Variants in CLCN5 observed in about 807,000 individuals in gnomAD.
CLCN5 encodes Cl-/H+ antiporter 5.
CLCN5 carries 17 observed loss-of-function variants against 54.0 expected under a neutral mutation model. That is an observed-to-expected ratio of 0.31 (90% confidence interval 0.22 to 0.47). CLCN5 has a LOEUF of 0.47. CLCN5 is among the 20% of genes least tolerant of loss of function. The pLI, the probability that CLCN5 is intolerant of heterozygous loss-of-function variation, is 1.00. For missense variants in CLCN5, 448 were observed against 646.7 expected (o/e 0.69, Z 3.33); for synonymous variants, 222 against 233.0 (o/e 0.95, Z 0.43).
chrX:50,055,018 A>G (rs1456966467), intron 4 of CLCN5, among the ~76,000 whole-genome samples: 1 of 111,580 alleles, frequency 9.0e-6, no homozygotes, highest in African/African-American at 3.3e-5. Context: ...CCGTATGAGT[A>G]TAGCTCTGTG....
chrX:49,986,570 A>G (rs953758062), intron 3 of CLCN5, among the ~76,000 whole-genome samples: 1 of 111,884 alleles, frequency 8.9e-6, no homozygotes, highest in African/African-American at 3.2e-5. Context: ...GGGTCTTTCA[A>G]TCTTTATGTT....
intron 3 of CLCN5, among the ~76,000 whole-genome samples, chrX:50,039,612 G>A (rs1932136022): frequency 8.9e-6 from 1 of 112,143 alleles, no homozygotes. Flanking sequence ...AAACTTCTAT[G>A]AGCCAGCATG....
chrX:50,002,020 C>T (rs1929847549), intron 3 of CLCN5, among the ~76,000 whole-genome samples: 2 of 110,627 alleles, frequency 1.8e-5, no homozygotes, highest in African/African-American at 6.6e-5. Flanking sequence ...ACAAGCCTCT[C>T]TTTCTCAGTC....
chrX:50,074,668 G>A (rs782623581), intron 6 of CLCN5, among the ~76,000 whole-genome samples: 77 of 112,384 alleles, frequency 6.9e-4, no homozygotes, highest in African/African-American at 1.8e-3. Flanking sequence ...CTTCCCGCCC[G>A]TTGGAATGTA....
intron 3 of CLCN5, among the ~76,000 whole-genome samples, chrX:49,937,753 A>C (rs1260439358): frequency 8.9e-6 from 1 of 112,120 alleles, no homozygotes; most frequent in East Asian, 2.8e-4. Flanking sequence ...CAATGTGTAG[A>C]ATAATAGCTG....
chrX:49,980,026 T>C (rs782216215), intron 3 of CLCN5, among the ~76,000 whole-genome samples: 134 of 111,892 alleles, frequency 1.2e-3, no homozygotes, highest in Non-Finnish European at 2.4e-3. Context: ...TTTACTTTTA[T>C]AAATACTAAC....
chrX:50,030,805 T>TG (rs1198217563), intron 3 of CLCN5, among the ~76,000 whole-genome samples: 1 of 112,567 alleles, frequency 8.9e-6, no homozygotes, highest in Non-Finnish European at 1.9e-5. Flanking sequence ...TAACTTATGT[T>TG]GGTAGTTTCC....
chrX:50,030,349 A>G (rs1931637152), intron 3 of CLCN5, among the ~76,000 whole-genome samples: 1 of 111,384 alleles, frequency 9.0e-6, no homozygotes, highest in Non-Finnish European at 1.9e-5. Flanking sequence ...TTCTTTTATC[A>G]TTATATTTTC....
intron 3 of CLCN5, among the ~76,000 whole-genome samples, chrX:50,029,116 A>G (rs1400650788): frequency 8.9e-6 from 1 of 112,119 alleles, no homozygotes; most frequent in African/African-American, 3.2e-5. Context: ...TGATTTAGCA[A>G]CTATTAAGTT....
At chrX:50,067,020 C>T (rs1385654665) in intron 4 of CLCN5, among the ~76,000 whole-genome samples, 1 of 111,842 alleles carries the variant, frequency 8.9e-6, no homozygotes, top group African/African-American at 3.2e-5. Flanking sequence ...ATTCCAGAAG[C>T]CCTGCCCTTG....
intron 2 of CLCN5, among the ~76,000 whole-genome samples, chrX:49,923,976 C>A (rs1925200369): frequency 8.9e-6 from 1 of 112,034 alleles, no homozygotes; most frequent in African/African-American, 3.2e-5. Context: ...TTGATGTTCA[C>A]CAGGTCAAAA....
rs1934316985 is a variant in CLCN5, at chrX:50,098,086, A to G, written c.*5867A>G. 9.1e-6 allele frequency: 1 copy of G among 110,303 alleles called. No homozygotes were observed. The highest frequency in any genetic ancestry group is 1.9e-5 in the Non-Finnish European group (1 of 52,714). The allele number at this position is 110,303 out of a possible 1,213,427, so 9.1% of individuals were successfully genotyped here. A position where few individuals can be genotyped will look rare whatever the true frequency, so the allele number is the denominator to read the frequency against. On this transcript the variant is annotated 3_prime_UTR_variant, in exon 15 of 15. Transcript: ENST00000376091. ...GTCCCCTCTTCTTCCTTTCTCTCCC[A>G]TTTTCCTGGCTTTTTAGCACTCAGC...
chrX:49,986,485 G>A (rs1233178580), intron 3 of CLCN5, among the ~76,000 whole-genome samples: 1 of 111,603 alleles, frequency 9.0e-6, no homozygotes, highest in Non-Finnish European at 1.9e-5. Context: ...TTCTTTCAGT[G>A]ACATGAAAAT....
intron 3 of CLCN5, among the ~76,000 whole-genome samples, chrX:50,016,467 G>T (rs1489786237): frequency 9.1e-6 from 1 of 110,157 alleles, no homozygotes; most frequent in Non-Finnish European, 1.9e-5. Context: ...TTAACATCTT[G>T]CATGAGTGTT....
intron 3 of CLCN5, among the ~76,000 whole-genome samples, chrX:49,951,570 T>A (rs782131377): frequency 4.5e-5 from 5 of 112,239 alleles, no homozygotes; most frequent in Admixed American, 9.4e-5. Flanking sequence ...CACACAACTG[T>A]ACATAAAATC....
At chrX:50,018,752 C>A (rs182608420) in intron 3 of CLCN5, among the ~76,000 whole-genome samples, 1 of 112,138 alleles carries the variant, frequency 8.9e-6, no homozygotes, top group Non-Finnish European at 1.9e-5. Context: ...TGCTAGATTA[C>A]GCTAATTTAT....
At chrX:50,058,961 ATTGT>A (rs1186453943) in intron 4 of CLCN5, among the ~76,000 whole-genome samples, 3 of 111,551 alleles carry the variant, frequency 2.7e-5, no homozygotes, top group Admixed American at 1.9e-4. Context: ...CTCTTAATGC[ATTGT>A]TTTTTTGAAA....
chrX:50,001,465 C>T (rs1478640579), intron 3 of CLCN5, among the ~76,000 whole-genome samples: 2 of 107,049 alleles, frequency 1.9e-5, no homozygotes, highest in African/African-American at 3.7e-5. Flanking sequence ...CTCCCATTTA[C>T]TCTTTTTTTT....
Position 49,932,645 on chromosome X carries a change from T to A in CLCN5, c.16+7331T>A, listed in dbSNP as rs1465515085. ...CAGGTTTTTTGCTATTAATACTTCC[T>A]CAAGTACTCTTGTAATTTTTGGCTG... On this transcript the variant is annotated intron_variant, in intron 3 of 14. Coordinates refer to ENST00000376091, the MANE Select transcript of CLCN5 (RefSeq NM_001127898.4). Among the ~76,000 whole-genome samples the A allele has an allele frequency of 8.1e-5, 9 of 111,630 alleles. No homozygotes were observed. In the Admixed American group the frequency reaches 8.6e-4, roughly 11 times the overall value.
Sources: gnomAD v4.1 joint callset for allele counts (sites outside exome capture counted in the v4.1 genomes callset) on GRCh38, gnomAD v4.1.1 for gene constraint, MANE v1.5 for transcripts, NCBI Gene and HGNC (gene_info 2026-07-23, HGNC 2026-07-21) for gene names.